Variants in FTO observed in about 807,000 individuals in gnomAD.
FTO encodes the protein FTO alpha-ketoglutarate dependent dioxygenase, also known as alpha-ketoglutarate-dependent dioxygenase FTO.
In FTO, 47 loss-of-function variants were observed where a neutral mutation model predicts 63.9. The observed-to-expected ratio is 0.74, with a 90% CI of 0.58 to 0.94. The LOEUF (loss-of-function observed/expected upper bound fraction) is 0.94. Ranked by LOEUF, FTO falls within the 40% of genes least tolerant of loss-of-function variation. The pLI is 0.00. For missense variants in FTO, 562 were observed against 618.1 expected (o/e 0.91, Z 0.96); for synonymous variants, 207 against 224.4 (o/e 0.92, Z 0.69).
chr16:54,054,207 C>T (rs2085377253), intron 8 of FTO, among the ~76,000 whole-genome samples: 2 of 152,272 alleles, frequency 1.3e-5, no homozygotes, highest in African/African-American at 4.8e-5. Context: ...TCTGCGCTGC[C>T]ACAAGAGACT....
chr16:53,931,701 G>A (rs1003699534), intron 7 of FTO, among the ~76,000 whole-genome samples: 6 of 152,034 alleles, frequency 3.9e-5, no homozygotes, highest in African/African-American at 4.8e-5. Context: ...TAGAATACCC[G>A]CTAATGCTCA....
intron 8 of FTO, among the ~76,000 whole-genome samples, chr16:54,008,127 A>G (rs1359617824): frequency 2.0e-5 from 3 of 152,208 alleles, no homozygotes; most frequent in Non-Finnish European, 1.5e-5. Flanking sequence ...AGCACTTAAT[A>G]GATTCTCCAT....
At chr16:53,938,613 G>A (rs1213001216) in intron 8 of FTO, among the ~76,000 whole-genome samples, 1 of 152,230 alleles carries the variant, frequency 6.6e-6, no homozygotes, top group Non-Finnish European at 1.5e-5. Flanking sequence ...AGTGAGCTAA[G>A]TGGCCAATTT....
In FTO at chr16:53,983,596, G is replaced by T. The variant is rs561771117; in HGVS notation, c.1364+49487G>T. 4.4e-5 allele frequency among the ~76,000 whole-genome samples: 6 copies of T among 136,462 alleles called. No homozygotes were observed. In the East Asian group the frequency reaches 1.7e-3, roughly 38 times the overall value. 89.5% of individuals were successfully genotyped at this position (136,462 alleles called of 152,430 possible). A position where few individuals can be genotyped will look rare whatever the true frequency, so the allele number is the denominator to read the frequency against. On this transcript the variant is annotated intron_variant, in intron 8 of 8. Coordinates refer to ENST00000471389, the MANE Select transcript of FTO (RefSeq NM_001080432.3). Reference sequence around the variant, plus strand: ...TAATTATTTGCTGAGCAATTAATTCGAATTCACAAACACACACACACACAC... The same window carrying T: ...TAATTATTTGCTGAGCAATTAATTCTAATTCACAAACACACACACACACAC...
intron 1 of FTO, among the ~76,000 whole-genome samples, chr16:53,783,681 G>A (rs939569074): frequency 2.0e-5 from 3 of 150,912 alleles, no homozygotes; most frequent in Admixed American, 6.6e-5. Flanking sequence ...CCAGCTACTC[G>A]GGAGGCTGAG....
At chr16:53,908,416 A>T (rs979035361) in intron 7 of FTO, among the ~76,000 whole-genome samples, 1 of 152,170 alleles carries the variant, frequency 6.6e-6, no homozygotes, top group African/African-American at 2.4e-5. Context: ...TCCTAATTTC[A>T]TTATCTTCCA....
intron 8 of FTO, among the ~76,000 whole-genome samples, chr16:54,105,305 A>G (rs945154858): frequency 6.6e-6 from 1 of 152,236 alleles, no homozygotes; most frequent in Non-Finnish European, 1.5e-5. Flanking sequence ...AACTGGAGGT[A>G]AAAACAACAT....
chr16:53,899,746 T>C (rs939327787), intron 7 of FTO, among the ~76,000 whole-genome samples: 2 of 152,124 alleles, frequency 1.3e-5, no homozygotes, highest in African/African-American at 2.4e-5. Context: ...AGCTTTTCCT[T>C]TGGGGGACGG....
intron 4 of FTO, among the ~76,000 whole-genome samples, chr16:53,872,242 T>C (rs2080520928): frequency 6.6e-6 from 1 of 152,206 alleles, no homozygotes; most frequent in Non-Finnish European, 1.5e-5. Context: ...TGCATTCTGG[T>C]GCTTCTTTTT....
chr16:53,983,605 AACACAC>A, intron 8 of FTO, among the ~76,000 whole-genome samples: 1 of 150,800 alleles, frequency 6.6e-6, no homozygotes, highest in East Asian at 2.0e-4. Flanking sequence ...CGAATTCACA[AACACAC>A]ACACACACAC....
chr16:54,045,057 G>T lies in FTO; in HGVS notation c.1365-66705G>T, dbSNP rs559323995. 1.8e-4 allele frequency among the ~76,000 whole-genome samples: 16 copies of T among 89,066 alleles called. 5 individuals are homozygous for T. The East Asian group carries it at 3.8e-3, about 21-fold the overall frequency. 58.4% of individuals were successfully genotyped at this position (89,066 alleles called of 152,430 possible). A position where few individuals can be genotyped will look rare whatever the true frequency, so the allele number is the denominator to read the frequency against. On this transcript the variant is annotated intron_variant, in intron 8 of 8. Transcript: ENST00000471389. Reference sequence around the variant, plus strand: ...CATCACAATTAAAAGAACTAGAAAAGCAAGAGCAAACACATTCAAAAGCTA... The same window carrying T: ...CATCACAATTAAAAGAACTAGAAAATCAAGAGCAAACACATTCAAAAGCTA...
chr16:53,962,827 C>G (rs1430978762), intron 8 of FTO, among the ~76,000 whole-genome samples: 1 of 152,102 alleles, frequency 6.6e-6, no homozygotes, highest in Non-Finnish European at 1.5e-5. Flanking sequence ...AATTGAATTA[C>G]TGTAATTTGC....
intron 3 of FTO, among the ~76,000 whole-genome samples, chr16:53,829,212 TCCA>T (rs2079084251): frequency 6.6e-6 from 1 of 152,232 alleles, no homozygotes; most frequent in Non-Finnish European, 1.5e-5. Flanking sequence ...TTTTAAAATG[TCCA>T]CCTTCTGGAA....
intron 8 of FTO, among the ~76,000 whole-genome samples, chr16:53,955,399 C>T (rs1416429159): frequency 6.6e-6 from 1 of 152,004 alleles, no homozygotes; most frequent in Non-Finnish European, 1.5e-5. Context: ...TGGAGAAAGG[C>T]AACAGGTAGG....
chr16:54,089,426 G>T (rs969318560), intron 8 of FTO, among the ~76,000 whole-genome samples: 1 of 152,108 alleles, frequency 6.6e-6, no homozygotes, highest in Non-Finnish European at 1.5e-5. Flanking sequence ...GCTCCAATTT[G>T]TGCTGTTAAT....
At chr16:53,761,506 A>G (rs1244866161) in intron 1 of FTO, among the ~76,000 whole-genome samples, 1 of 152,184 alleles carries the variant, frequency 6.6e-6, no homozygotes, top group African/African-American at 2.4e-5. Flanking sequence ...TGTTGTGTTA[A>G]TCATTAATTT....
chr16:54,071,575 C>T (rs1417792932), intron 8 of FTO: 5 of 152,076 alleles, frequency 3.3e-5, no homozygotes, highest in African/African-American at 9.7e-5. Context: ...GTAACCATCC[C>T]GCCTGACCAC....
intron 3 of FTO, among the ~76,000 whole-genome samples, chr16:53,836,308 G>T (rs919062742): frequency 1.3e-5 from 2 of 152,100 alleles, no homozygotes; most frequent in Non-Finnish European, 2.9e-5. Context: ...ACATATCAGC[G>T]TCCTAGAAGT....
rs1030931506 is a variant in FTO at position 54,114,465 on chromosome 16, C to T, written c.*2550C>T. On this transcript the variant is annotated 3_prime_UTR_variant, in exon 9 of 9. Transcript: ENST00000471389. ...ATATTAAAAGGATGAGATAAGAAAC[C>T]GAGAGATTTTGCTGTTTTTTTCCTT... The T allele has an allele frequency of 4.6e-5, 7 of 152,072 alleles. No individual in the cohort carries two copies. Among genetic ancestry groups the T allele is most frequent in the African/African-American group, 1.4e-4 (6 of 41,396 alleles). The allele number at this position is 152,072 out of a possible 1,614,324, so 9.4% of individuals were successfully genotyped here.
Sources: gnomAD v4.1 joint callset for allele counts (sites outside exome capture counted in the v4.1 genomes callset) on GRCh38, gnomAD v4.1.1 for gene constraint, MANE v1.5 for transcripts, NCBI Gene and HGNC (gene_info 2026-07-23, HGNC 2026-07-21) for gene names.